The following ACAN variants were observed in gnomAD, a reference collection of about 807,000 sequenced individuals.
The protein encoded by ACAN is aggrecan core protein.
A neutral mutation model predicts 169.1 loss-of-function variants in ACAN; 47 were observed. The ratio of observed to expected loss-of-function variants is 0.28; its 90% CI spans 0.22 to 0.35. The LOEUF (loss-of-function observed/expected upper bound fraction) is 0.35. Among genes scored for constraint, ACAN ranks in the 10% least tolerant of loss-of-function variants. The probability of loss-of-function intolerance (pLI) is 1.00; values close to 1 mark genes in which losing one functional copy is unlikely to be tolerated. For missense variants in ACAN, 2,716 were observed against 2,759.9 expected, an observed-to-expected ratio of 0.98 and a Z score of 0.36; for synonymous variants, 1,115 against 1,112.2, an observed-to-expected ratio of 1.00 and a Z score of -0.05.
intron 1 of ACAN, among the ~76,000 whole-genome samples, chr15:88,813,749 G>T (rs1458081999): frequency 6.6e-6 from 1 of 152,114 alleles, no homozygotes; most frequent in Non-Finnish European, 1.5e-5. Context: ...CAGGCAGTGG[G>T]GCTAGGATGG....
At chr15:88,848,830 A>G (rs1287447750) in intron 9 of ACAN, among the ~76,000 whole-genome samples, 6 of 152,202 alleles carry the variant, frequency 3.9e-5, no homozygotes, top group Non-Finnish European at 1.5e-5. Flanking sequence ...GCTGATTTAT[A>G]TGTACATCAG....
intron 2 of ACAN, among the ~76,000 whole-genome samples, chr15:88,837,241 C>T (rs548030721): frequency 6.6e-6 from 1 of 152,322 alleles, no homozygotes; most frequent in East Asian, 1.9e-4. Context: ...ATGAGACCCC[C>T]TCACAGTGCA....
intron 5 of ACAN, among the ~76,000 whole-genome samples, chr15:88,842,825 A>G (rs1355045076): frequency 1.3e-5 from 2 of 151,738 alleles, no homozygotes; most frequent in African/African-American, 4.8e-5. Context: ...CCCTGACACA[A>G]CCTTGTTAGA....
Position 88,874,601 on chromosome 15 carries a change from G to T in ACAN, c.*120G>T. ...TTGTCATATAAGGAATCCCATTAAA[G>T]AAGGAAAAAAATAAATCCCACATTT... On this transcript the variant is annotated 3_prime_UTR_variant, in exon 19 of 19. Coordinates refer to ENST00000560601, the MANE Select transcript of ACAN (RefSeq NM_001369268.1). This position sits in a 1 kb window ranked among gnomAD's most constrained non-coding sequence, Gnocchi z 7.3. The T allele has an allele frequency of 1.0e-6, 1 of 1,001,534 alleles. No homozygotes were observed. The highest frequency in any genetic ancestry group is 2.1e-4 in the Middle Eastern group (1 of 4,778). 62.0% of individuals were successfully genotyped at this position (1,001,534 alleles called of 1,614,324 possible).
Position 88,855,040 on chromosome 15 carries a change from C to G in ACAN, c.2455C>G (p.Pro819Ala), listed in dbSNP as rs1897017204. ...VRPFPSVELF[P>A]SEEPFPSKEP... ...GCCATTCCCCTCAGTGGAGCTGTTC[C>G]CCTCAGAGGAGCCATTCCCCTCCAA... Residue 819 changes from proline to alanine, a missense_variant, in exon 12 of 19, where the codon CCC (proline) becomes GCC (alanine). Pro to Ala is a conservative substitution (Grantham distance 27). Coordinates refer to ENST00000560601, the MANE Select transcript of ACAN (RefSeq NM_001369268.1). The G allele has an allele frequency of 6.3e-7, 1 of 1,591,608 alleles. No homozygotes were observed. The highest frequency in any genetic ancestry group is 1.2e-5 in the South Asian group (1 of 86,672).
chr15:88,816,408 G>C (rs1192701569), intron 1 of ACAN, among the ~76,000 whole-genome samples: 1 of 152,208 alleles, frequency 6.6e-6, no homozygotes, highest in African/African-American at 2.4e-5. Context: ...TCTCCCATCG[G>C]TCAGTGCTTT....
intron 1 of ACAN, among the ~76,000 whole-genome samples, chr15:88,817,860 A>G (rs1895980151): frequency 6.6e-6 from 1 of 151,514 alleles, no homozygotes; most frequent in African/African-American, 2.4e-5. Context: ...AAAAAAAAAA[A>G]AAAAAAAAAG....
rs1235082498 is a variant in ACAN, at chr15:88,859,459, C to T, written c.6832+42C>T. ...CCCCTTTAAATGTGCTTAGGTAGTTCAGACTGTAGCCTACTGCAGCACAGA... is the reference window on the plus strand; with the variant it reads ...CCCCTTTAAATGTGCTTAGGTAGTTTAGACTGTAGCCTACTGCAGCACAGA... On this transcript the variant is annotated intron_variant, in intron 12 of 18. Coordinates refer to ENST00000560601, the MANE Select transcript of ACAN (RefSeq NM_001369268.1). The T allele has an allele frequency of 1.2e-5, 18 of 1,551,214 alleles. No individual in the cohort carries two copies. In the East Asian group the frequency reaches 4.2e-4, roughly 36 times the overall value.
intron 1 of ACAN, among the ~76,000 whole-genome samples, chr15:88,832,981 G>A (rs578062565): frequency 2.4e-4 from 36 of 152,208 alleles, no homozygotes; most frequent in South Asian, 4.1e-4. Flanking sequence ...TGAAACAGCC[G>A]TGGGGCAGGT....
At chr15:88,806,115 G>A (rs1297476431) in intron 1 of ACAN, among the ~76,000 whole-genome samples, 1 of 152,130 alleles carries the variant, frequency 6.6e-6, no homozygotes, top group African/African-American at 2.4e-5. Context: ...CCTCCCAGAG[G>A]CTTCATTTCC....
intron 1 of ACAN, among the ~76,000 whole-genome samples, chr15:88,835,075 C>A (rs1461432307): frequency 6.6e-6 from 1 of 152,198 alleles, no homozygotes; most frequent in East Asian, 1.9e-4. Context: ...ATTGATCTAG[C>A]AGGAGAGCTA....
At chr15:88,854,636 CCTT>C (rs2141601518) in intron 11 of ACAN, among the ~76,000 whole-genome samples, 1 of 152,280 alleles carries the variant, frequency 6.6e-6, no homozygotes, top group African/African-American at 2.4e-5. Flanking sequence ...TGTCCTTCTG[CCTT>C]CTTTTCTCCC....
At position 88,852,037 on chromosome 15, in the gene ACAN, G is replaced by A. The variant is rs1290129569; in HGVS notation, c.2266+4G>A. 1.1e-5 allele frequency: 18 copies of A among 1,588,946 alleles called. No homozygotes were observed. Among genetic ancestry groups the A allele is most frequent in the Non-Finnish European group, 1.5e-5 (18 of 1,168,096 alleles). ...GTGGGCACATCCCCGCTGCCAGGTT[G>A]GTATGGCTTGGGTTCTGGGGCACAC... On this transcript the variant is annotated splice_donor_region_variant and intron_variant, in intron 11 of 18. Transcript: ENST00000560601.
chr15:88,854,016 G>T (rs1896992565), intron 11 of ACAN, among the ~76,000 whole-genome samples: 1 of 152,220 alleles, frequency 6.6e-6, no homozygotes, highest in Admixed American at 6.5e-5. Flanking sequence ...TTAAAATGCA[G>T]TGTGGCTGTT....
intron 1 of ACAN, among the ~76,000 whole-genome samples, chr15:88,806,641 C>A (rs1037944041): frequency 3.9e-5 from 6 of 152,176 alleles, no homozygotes; most frequent in Admixed American, 2.0e-4. Flanking sequence ...AGCCACCATG[C>A]CCAGCCAGTG....
chr15:88,841,950 G>A, intron 5 of ACAN, 83 bp downstream of exon 5: 2 of 1,567,862 alleles, frequency 1.3e-6, no homozygotes, highest in Non-Finnish European at 1.7e-6. Context: ...TGACACCTGA[G>A]ATCACACAGG....
Position 88,875,347 on chromosome 15 carries a change from G to A in ACAN, c.*866G>A, listed in dbSNP as rs1279798912. 2 of 151,592 alleles carry A rather than the reference G, an allele frequency of 1.3e-5. No homozygotes were observed. The highest frequency in any genetic ancestry group is 2.9e-5 in the Non-Finnish European group (2 of 67,930). The allele number at this position is 151,592 out of a possible 1,614,324, so 9.4% of individuals were successfully genotyped here. A position where few individuals can be genotyped will look rare whatever the true frequency, so the allele number is the denominator to read the frequency against. ...TATTATAATAATAATAAAGACATTG[G>A]AAGAGATCTATCTCTTTTCTTTTCC... On this transcript the variant is annotated 3_prime_UTR_variant, in exon 19 of 19. Transcript: ENST00000560601. The surrounding 1 kb of genome is among the most constrained non-coding windows in gnomAD (Gnocchi z 4.8).
At chr15:88,817,194 T>A (rs1895962384) in intron 1 of ACAN, among the ~76,000 whole-genome samples, 1 of 152,192 alleles carries the variant, frequency 6.6e-6, no homozygotes, top group South Asian at 2.1e-4. Context: ...CAGGCTGGAG[T>A]GCAGTGGTGC....
At chr15:88,832,771 G>T (rs566972385) in intron 1 of ACAN, among the ~76,000 whole-genome samples, 1 of 152,214 alleles carries the variant, frequency 6.6e-6, no homozygotes, top group African/African-American at 2.4e-5. Flanking sequence ...GGGACAGGAA[G>T]CCTCTCTACA....
Sources: gnomAD v4.1 joint callset for allele counts (sites outside exome capture counted in the v4.1 genomes callset) on GRCh38, gnomAD v4.1.1 for gene constraint, Gnocchi (gnomAD v3.1) non-coding constraint, MANE v1.5 for transcripts, NCBI Gene and HGNC (gene_info 2026-07-23, HGNC 2026-07-21) for gene names.